The following CREB5 variants were observed in gnomAD, a reference collection of about 807,000 sequenced individuals.
CREB5 encodes cAMP responsive element binding protein 5.
A neutral mutation model predicts 57.1 loss-of-function variants in CREB5; 19 were observed. That is an observed-to-expected ratio of 0.33 (90% confidence interval 0.23 to 0.49). The LOEUF (loss-of-function observed/expected upper bound fraction) is 0.49. Ranked by LOEUF, CREB5 falls within the 20% of genes least tolerant of loss-of-function variation. The pLI, the probability that CREB5 is intolerant of heterozygous loss-of-function variation, is 0.99. For missense variants in CREB5, 579 were observed against 671.6 expected, an observed-to-expected ratio of 0.86 and a Z score of 1.52; for synonymous variants, 238 against 238.3, an observed-to-expected ratio of 1.00 and a Z score of 0.01.
intron 5 of CREB5, among the ~76,000 whole-genome samples, chr7:28,601,327 G>T (rs1008717681): frequency 1.3e-5 from 2 of 152,066 alleles, no homozygotes; most frequent in African/African-American, 4.8e-5. Flanking sequence ...AAAGAAGGGA[G>T]GAATAAGTTG....
chr7:28,796,870 A>G (rs1352363655), intron 7 of CREB5, among the ~76,000 whole-genome samples: 2 of 152,188 alleles, frequency 1.3e-5, no homozygotes, highest in East Asian at 3.9e-4. Context: ...AGCTAAGACT[A>G]GCTCTGGCTC....
At chr7:28,560,913 T>TGTGTGTGTGTGTGC (rs1211404751) in intron 4 of CREB5, among the ~76,000 whole-genome samples, 16 of 21,948 alleles carry the variant, frequency 7.3e-4, no homozygotes, top group Non-Finnish European at 1.4e-3. Flanking sequence ...CGCGTGCGTG[T>TGTGTGTGTGTGTGC]GCGTGTGTGC....
intron 3 of CREB5, among the ~76,000 whole-genome samples, chr7:28,497,305 G>GT (rs896619231): frequency 2.0e-5 from 3 of 152,224 alleles, no homozygotes; most frequent in Admixed American, 6.5e-5. Context: ...CCTAAAGCAG[G>GT]TTTTTTGGGT....
intron 4 of CREB5, among the ~76,000 whole-genome samples, chr7:28,550,878 C>G (rs1794610945): frequency 1.3e-5 from 2 of 152,196 alleles, no homozygotes; most frequent in African/African-American, 4.8e-5. Flanking sequence ...TAAAGCAGCA[C>G]TTGGAGTATC....
intron 5 of CREB5, among the ~76,000 whole-genome samples, chr7:28,574,504 T>C (rs1394902674): frequency 6.6e-6 from 1 of 152,236 alleles, no homozygotes; most frequent in Non-Finnish European, 1.5e-5. Flanking sequence ...CCAGCTTTCT[T>C]AACTAAGTTG....
intron 4 of CREB5, among the ~76,000 whole-genome samples, chr7:28,560,823 C>CGTGTGTGTGTGCGT (rs1442862711): frequency 1.2e-4 from 4 of 34,478 alleles, no homozygotes; most frequent in African/African-American, 1.9e-4. Flanking sequence ...TGTGTGTGTG[C>CGTGTGTGTGTGCGT]GCGCGCGCGC....
At chr7:28,495,399 G>C (rs933409402) in intron 3 of CREB5, among the ~76,000 whole-genome samples, 2 of 151,868 alleles carry the variant, frequency 1.3e-5, no homozygotes, top group African/African-American at 4.8e-5. Context: ...AAAATTAGCC[G>C]GGCATGGTGG....
At chr7:28,398,391 C>T (rs962639893) in intron 1 of CREB5, among the ~76,000 whole-genome samples, 1 of 152,168 alleles carries the variant, frequency 6.6e-6, no homozygotes, top group African/African-American at 2.4e-5. Flanking sequence ...CTTAGCATCA[C>T]TTACTAGCCT....
rs991869424 is a variant in CREB5 at position 28,561,761 on chromosome 7, C to G, written c.292-8604C>G. Among the ~76,000 whole-genome samples, 3 of 152,234 alleles carry G rather than the reference C, an allele frequency of 2.0e-5. No individual in the cohort carries two copies. The East Asian group carries it at 5.8e-4, about 29-fold the overall frequency. On this transcript the variant is annotated intron_variant, in intron 4 of 10. Coordinates refer to ENST00000357727, the MANE Select transcript of CREB5 (RefSeq NM_182898.4). ...GAACAGTTATGTCATTTTTATTTTT[C>G]GAGATGGAGTCTCACTGTGTTGCCC...
At chr7:28,507,762 TGA>T in intron 4 of CREB5, 25 bp downstream of exon 4, 1 of 1,580,282 alleles carries the variant, frequency 6.3e-7, no homozygotes, top group South Asian at 1.1e-5. Context: ...ATGGCCGCCT[TGA>T]GAGGTGTCCT....
At chr7:28,679,497 G>A (rs771364220) in intron 5 of CREB5, among the ~76,000 whole-genome samples, 5 of 152,146 alleles carry the variant, frequency 3.3e-5, no homozygotes, top group African/African-American at 7.2e-5. Flanking sequence ...GGGAGGGGAC[G>A]AAGACCAGGT....
At chr7:28,588,263 T>C (rs888521000) in intron 5 of CREB5, among the ~76,000 whole-genome samples, 1 of 152,200 alleles carries the variant, frequency 6.6e-6, no homozygotes, top group East Asian at 1.9e-4. Context: ...AAGTCAGATC[T>C]TAACAAAACA....
At position 28,570,436 on chromosome 7, in the gene CREB5, G is replaced by A; in HGVS notation, c.363G>A (p.Arg121=). The change falls in exon 5 of 11, where the codon CGG becomes CGA. Residue 121 remains arginine (R), a synonymous_variant. Coordinates refer to ENST00000357727, the MANE Select transcript of CREB5 (RefSeq NM_182898.4). ...GAACTCACCAGCTTAGCAGCGCTCG[G>A]CTGCCCAACCATGACACCAACGTTG... ...GPGTHQLSSA[R]LPNHDTNVVI... is the part of the protein sequence containing the mutation. 2 of 1,614,208 alleles carry A rather than the reference G, an allele frequency of 1.2e-6. No homozygotes were observed. The highest frequency in any genetic ancestry group is 1.7e-6 in the Non-Finnish European group (2 of 1,180,032).
At chr7:28,687,783 G>A (rs1801025175) in intron 5 of CREB5, among the ~76,000 whole-genome samples, 1 of 152,034 alleles carries the variant, frequency 6.6e-6, no homozygotes, top group African/African-American at 2.4e-5. Flanking sequence ...AGGTGGAAGT[G>A]GGGAGCAGAG....
intron 1 of CREB5, among the ~76,000 whole-genome samples, chr7:28,406,507 G>A (rs61356519): frequency 7.9e-5 from 12 of 152,334 alleles, no homozygotes; most frequent in African/African-American, 2.9e-4. Context: ...ATCTTGGGTG[G>A]GTGGTACCCC....
intron 5 of CREB5, among the ~76,000 whole-genome samples, chr7:28,650,871 A>G (rs1428320706): frequency 1.3e-5 from 2 of 152,168 alleles, no homozygotes; most frequent in Admixed American, 1.3e-4. Flanking sequence ...GGACATTGGC[A>G]TATTGGATGA....
chr7:28,484,931 A>G (rs1376519905), intron 1 of CREB5, among the ~76,000 whole-genome samples: 1 of 152,246 alleles, frequency 6.6e-6, no homozygotes, highest in Non-Finnish European at 1.5e-5. Flanking sequence ...GTTGTCTTCA[A>G]GCACCAGCAT....
intron 1 of CREB5, among the ~76,000 whole-genome samples, chr7:28,429,935 G>C (rs1304536813): frequency 6.6e-6 from 1 of 152,178 alleles, no homozygotes; most frequent in Non-Finnish European, 1.5e-5. Flanking sequence ...GGACATGACA[G>C]GAAATGATAA....
At chr7:28,808,514 T>C (rs1012093368) in intron 8 of CREB5, among the ~76,000 whole-genome samples, 2 of 152,120 alleles carry the variant, frequency 1.3e-5, no homozygotes, top group African/African-American at 2.4e-5. Flanking sequence ...TAGCCATACA[T>C]TGGCTATTTT....
Sources: allele counts gnomAD v4.1 joint callset (sites outside exome capture counted in the v4.1 genomes callset), GRCh38; gene constraint gnomAD v4.1.1; transcripts MANE v1.5; gene names NCBI Gene and HGNC (gene_info 2026-07-23, HGNC 2026-07-21).